Variants in SLX4IP observed in about 807,000 individuals in gnomAD.
SLX4IP encodes the protein protein SLX4IP.
In SLX4IP, 34 loss-of-function variants were observed where a neutral mutation model predicts 32.9. That is an observed-to-expected ratio of 1.03 (90% CI 0.79 to 1.38). SLX4IP has a LOEUF of 1.38. SLX4IP is among the 40% of genes most tolerant of loss of function. The pLI, the probability that SLX4IP is intolerant of heterozygous loss-of-function variation, is 0.00. For missense variants in SLX4IP, 444 were observed against 479.0 expected (o/e 0.93, Z 0.68); for synonymous variants, 172 against 171.7 (o/e 1.00, Z -0.01).
intron 2 of SLX4IP, among the ~76,000 whole-genome samples, chr20:10,505,554 A>AG (rs1220478946): frequency 6.6e-6 from 1 of 152,204 alleles, no homozygotes; most frequent in Non-Finnish European, 1.5e-5. Flanking sequence ...GCCAAGCTGA[A>AG]GGAACGCCTC....
At chr20:10,613,141 T>G (rs866636793) in intron 6 of SLX4IP, 3 of 440,122 alleles carry the variant, frequency 6.8e-6, no homozygotes, top group Admixed American at 3.7e-5. Context: ...AAGAGTGCTG[T>G]GTACAGAAGA....
rs1039823554 is a variant in SLX4IP at position 10,626,942 on chromosome 20, T to C, written c.*3563T>C. On this transcript the variant is annotated 3_prime_UTR_variant, in exon 8 of 8. Transcript: ENST00000334534. ...GTGTAATTGTTTGCTGTTGGTGTCA[T>C]GTTTGGATTTTAGCATGGTTTGTTA... 1.2e-4 allele frequency: 19 copies of C among 152,222 alleles called. No homozygotes were observed. Among genetic ancestry groups the C allele is most frequent in the Non-Finnish European group, 2.4e-4 (16 of 68,030 alleles). The allele number at this position is 152,222 out of a possible 1,614,324, so 9.4% of individuals were successfully genotyped here. A position where few individuals can be genotyped will look rare whatever the true frequency, so the allele number is the denominator to read the frequency against.
At chr20:10,452,680 A>AAAATATAT (rs1326662021) in intron 1 of SLX4IP, among the ~76,000 whole-genome samples, 2 of 109,520 alleles carry the variant, frequency 1.8e-5, no homozygotes, top group African/African-American at 7.0e-5. Flanking sequence ...AAAAAAAAAA[A>AAAATATAT]ATATATATAT....
chr20:10,458,163 T>C lies in SLX4IP; in HGVS notation c.-29-13T>C. Reference sequence around the variant, plus strand: ...TTTAATATACCTAATTGTAACTTTTTTTTTTCTTAAAGGTCTGTAGTTACT... The same window carrying C: ...TTTAATATACCTAATTGTAACTTTTCTTTTTCTTAAAGGTCTGTAGTTACT... On this transcript the variant is annotated splice_polypyrimidine_tract_variant and intron_variant, in intron 1 of 7. Transcript: ENST00000334534. 6.5e-7 allele frequency: 1 copy of C among 1,533,802 alleles called. No individual in the cohort carries two copies.
intron 2 of SLX4IP, among the ~76,000 whole-genome samples, chr20:10,475,323 A>G (rs1009377102): frequency 6.6e-6 from 1 of 152,204 alleles, no homozygotes; most frequent in Non-Finnish European, 1.5e-5. Flanking sequence ...TGCCCAAGGG[A>G]ACTTAGTGTC....
intron 2 of SLX4IP, among the ~76,000 whole-genome samples, chr20:10,547,710 T>C (rs1198461230): frequency 1.3e-5 from 2 of 152,234 alleles, no homozygotes; most frequent in Non-Finnish European, 2.9e-5. Context: ...GTGTTTTTTT[T>C]CCTGCGTTCA....
At chr20:10,608,670 T>A (rs1196966734) in intron 6 of SLX4IP, among the ~76,000 whole-genome samples, 1 of 124,178 alleles carries the variant, frequency 8.1e-6, no homozygotes, top group Non-Finnish European at 1.6e-5. Flanking sequence ...CAATACTCTG[T>A]CTCAAAAAAA....
intron 2 of SLX4IP, among the ~76,000 whole-genome samples, chr20:10,507,497 A>G (rs1384412687): frequency 1.3e-5 from 2 of 152,066 alleles, no homozygotes; most frequent in African/African-American, 4.8e-5. Context: ...CTGATTGCCC[A>G]TCTCATAAGA....
intron 2 of SLX4IP, among the ~76,000 whole-genome samples, chr20:10,543,452 T>C (rs188776266): frequency 3.4e-3 from 512 of 152,304 alleles, no homozygotes; most frequent in South Asian, 0.025. Flanking sequence ...GCTCTCAGCA[T>C]GTAAACTGCC....
chr20:10,599,927 C>G (rs2066821493), intron 5 of SLX4IP, among the ~76,000 whole-genome samples: 1 of 152,078 alleles, frequency 6.6e-6, no homozygotes, highest in Non-Finnish European at 1.5e-5. Flanking sequence ...ATCTGCCATT[C>G]GAACATTGTT....
At chr20:10,541,708 G>C (rs1311548921) in intron 2 of SLX4IP, among the ~76,000 whole-genome samples, 1 of 143,632 alleles carries the variant, frequency 7.0e-6, no homozygotes, top group Non-Finnish European at 1.5e-5. Flanking sequence ...TACTGAGACT[G>C]AGAATGATGT....
rs116578087 is a variant in SLX4IP at position 10,596,286 on chromosome 20, G to A, written c.239-2389G>A. 2.1e-3 allele frequency among the ~76,000 whole-genome samples: 327 copies of A among 152,176 alleles called. 4 individuals carry two copies. Among genetic ancestry groups the A allele is most frequent in the African/African-American group, 7.3e-3 (305 of 41,516 alleles). ...GTCGCCCAGCCTGGAGTACAGTGGT[G>A]ATCATAGCTCACTGCAGCCTTGAAG... On this transcript the variant is annotated intron_variant, in intron 4 of 7. Transcript: ENST00000334534.
At chr20:10,562,946 G>A (rs2066349037) in intron 4 of SLX4IP, among the ~76,000 whole-genome samples, 1 of 152,120 alleles carries the variant, frequency 6.6e-6, no homozygotes, top group Non-Finnish European at 1.5e-5. Flanking sequence ...AGATTGGTGG[G>A]TCATATGGTA....
chr20:10,458,719 T>C (rs1001433305), intron 2 of SLX4IP, among the ~76,000 whole-genome samples: 2 of 152,228 alleles, frequency 1.3e-5, no homozygotes, highest in African/African-American at 4.8e-5. Context: ...TGCTTAGTAT[T>C]CCATGGTGTA....
At chr20:10,620,584 C>T (rs1046783815) in intron 6 of SLX4IP, among the ~76,000 whole-genome samples, 2 of 151,850 alleles carry the variant, frequency 1.3e-5, no homozygotes, top group Non-Finnish European at 2.9e-5. Context: ...GACAGAGTCT[C>T]GCTCTGTTGC....
intron 6 of SLX4IP, among the ~76,000 whole-genome samples, chr20:10,618,990 AGGG>A (rs2067073268): frequency 6.6e-6 from 1 of 152,120 alleles, no homozygotes; most frequent in Non-Finnish European, 1.5e-5. Flanking sequence ...TTAGAGACAA[AGGG>A]GAGTTAATTG....
intron 7 of SLX4IP, 75 bp from the exon 8 acceptor site, chr20:10,622,584 T>G: frequency 1.3e-6 from 2 of 1,510,314 alleles, no homozygotes; most frequent in Non-Finnish European, 1.8e-6. Flanking sequence ...GTGTAGGAAA[T>G]GTGGTAGAGG....
chr20:10,568,341 A>G (rs1266634931), intron 4 of SLX4IP, among the ~76,000 whole-genome samples: 1 of 152,220 alleles, frequency 6.6e-6, no homozygotes, highest in African/African-American at 2.4e-5. Flanking sequence ...GAGGCAAAAC[A>G]GTGAAGCTGC....
In SLX4IP at chr20:10,627,445, A is replaced by T; in HGVS notation, c.*4066A>T. On this transcript the variant is annotated 3_prime_UTR_variant, in exon 8 of 8. Coordinates refer to ENST00000334534, the MANE Select transcript of SLX4IP (RefSeq NM_001009608.3). ...TAATTCAGGTAATTACTCAGTACAG[A>T]AATCTAACCGTATATATCATTGGTA... 6.6e-6 allele frequency: 1 copy of T among 152,276 alleles called. No individual in the cohort carries two copies. The allele number at this position is 152,276 out of a possible 1,614,324, so 9.4% of individuals were successfully genotyped here.
Sources: gnomAD v4.1 joint callset for allele counts (sites outside exome capture counted in the v4.1 genomes callset) on GRCh38, gnomAD v4.1.1 for gene constraint, MANE v1.5 for transcripts, NCBI Gene and HGNC (gene_info 2026-07-23, HGNC 2026-07-21) for gene names.